The following SYN3 variants were observed in gnomAD, a reference collection of about 807,000 sequenced individuals.
SYN3 encodes synapsin-3.
SYN3 carries 35 observed loss-of-function variants against 65.8 expected under a neutral mutation model. The ratio of observed to expected loss-of-function variants is 0.53; its 90% CI spans 0.41 to 0.70. The LOEUF (loss-of-function observed/expected upper bound fraction) is 0.70. SYN3 is among the 30% of genes least tolerant of loss of function. The pLI is 0.00. For synonymous variants in SYN3, 270 were observed against 292.9 expected (o/e 0.92, Z 0.80); for missense variants, 680 against 749.0 (o/e 0.91, Z 1.08).
At position 33,001,096 on chromosome 22, in the gene SYN3, C is replaced by T. The variant is rs554319420; in HGVS notation, c.311+5256G>A. Among the ~76,000 whole-genome samples, 9 of 152,188 alleles carry T rather than the reference C, an allele frequency of 5.9e-5. No homozygotes were observed. In the South Asian group the frequency reaches 1.7e-3, roughly 28 times the overall value. ...CTCTGTCACAAACATCTAATAATTG[C>T]AGGGCCAACTGCCAGATGAGTTAAT... is the stretch of plus-strand genomic sequence containing the variant. On this transcript the variant is annotated intron_variant, in intron 2 of 13. Coordinates refer to ENST00000358763, the MANE Select transcript of SYN3 (RefSeq NM_003490.4).
At chr22:32,562,980 C>T (rs2058608808) in intron 7 of SYN3, among the ~76,000 whole-genome samples, 1 of 152,250 alleles carries the variant, frequency 6.6e-6, no homozygotes, top group Non-Finnish European at 1.5e-5. Context: ...AAGTAACTTT[C>T]CCTCTCTCAA....
intron 1 of SYN3, among the ~76,000 whole-genome samples, chr22:33,040,648 T>C (rs574118862): frequency 1.8e-4 from 27 of 152,270 alleles, no homozygotes; most frequent in Admixed American, 9.2e-4. Flanking sequence ...ATAATCCCCA[T>C]GTGTCAAGGG....
chr22:32,972,865 C>T lies in SYN3; in HGVS notation c.369+7780G>A, dbSNP rs535903868. 1.6e-4 allele frequency among the ~76,000 whole-genome samples: 25 copies of T among 151,786 alleles called. 2 individuals carry two copies. In the South Asian group the frequency reaches 5.0e-3, roughly 30 times the overall value. On this transcript the variant is annotated intron_variant, in intron 3 of 13. Transcript: ENST00000358763. ...CAAAGAAGAAAAAAAAAAAGCTGGGCATGGATGGTGGTGCACACCTGTGGT... is the reference window on the plus strand; with the variant it reads ...CAAAGAAGAAAAAAAAAAAGCTGGGTATGGATGGTGGTGCACACCTGTGGT...
chr22:32,977,269 G>A (rs1272040117), intron 3 of SYN3, among the ~76,000 whole-genome samples: 2 of 152,098 alleles, frequency 1.3e-5, no homozygotes, highest in Non-Finnish European at 2.9e-5. Flanking sequence ...TATTCTTAGG[G>A]CAATTCCCTG....
intron 3 of SYN3, among the ~76,000 whole-genome samples, chr22:32,973,041 C>T (rs1353954386): frequency 6.6e-6 from 1 of 152,042 alleles, no homozygotes; most frequent in African/African-American, 2.4e-5. Flanking sequence ...ACAGCAACAA[C>T]AAAAAAGAGC....
chr22:32,558,505 T>G (rs1309250840), intron 7 of SYN3, among the ~76,000 whole-genome samples: 1 of 152,254 alleles, frequency 6.6e-6, no homozygotes, highest in Non-Finnish European at 1.5e-5. Context: ...GTCCATGATC[T>G]TGCCCTGGTT....
chr22:32,655,595 G>A (rs1011649311), intron 6 of SYN3, among the ~76,000 whole-genome samples: 9 of 152,110 alleles, frequency 5.9e-5, no homozygotes, highest in Admixed American at 5.9e-4. Context: ...TCATAGGAGC[G>A]TGGACCCTAT....
At chr22:32,644,684 C>T (rs112295913) in intron 6 of SYN3, among the ~76,000 whole-genome samples, 2 of 152,188 alleles carry the variant, frequency 1.3e-5, no homozygotes, top group African/African-American at 4.8e-5. Context: ...TCCTTTCCCT[C>T]CTAAACACAC....
chr22:32,976,196 T>C (rs2052180651), intron 3 of SYN3, among the ~76,000 whole-genome samples: 1 of 152,170 alleles, frequency 6.6e-6, no homozygotes, highest in African/African-American at 2.4e-5. Flanking sequence ...CCCAACCCAA[T>C]ATTACACAAG....
chr22:32,956,788 A>C (rs1361467649), intron 3 of SYN3, among the ~76,000 whole-genome samples: 1 of 152,168 alleles, frequency 6.6e-6, no homozygotes. Flanking sequence ...TCTTCTGGGT[A>C]AATTCCCAGA....
chr22:33,051,454 T>C (rs1288885712), intron 1 of SYN3, among the ~76,000 whole-genome samples: 11 of 151,996 alleles, frequency 7.2e-5, no homozygotes, highest in Non-Finnish European at 1.5e-4. Context: ...CTTCCCCACA[T>C]CTACTCATTT....
intron 6 of SYN3, among the ~76,000 whole-genome samples, chr22:32,613,548 A>T (rs979587060): frequency 1.5e-5 from 2 of 136,286 alleles, no homozygotes; most frequent in Non-Finnish European, 3.4e-5. Context: ...ATTTATTTCC[A>T]CGTTTATTTG....
At chr22:32,926,260 C>G (rs896617937) in intron 4 of SYN3, among the ~76,000 whole-genome samples, 3 of 152,168 alleles carry the variant, frequency 2.0e-5, no homozygotes, top group African/African-American at 7.2e-5. Flanking sequence ...AGCACAGATT[C>G]CTAAACAATA....
intron 3 of SYN3, among the ~76,000 whole-genome samples, chr22:32,970,630 A>G (rs1456784836): frequency 6.6e-6 from 1 of 152,176 alleles, no homozygotes; most frequent in Non-Finnish European, 1.5e-5. Context: ...GGGGAAAACA[A>G]TGAAAAAATA....
chr22:32,693,614 T>C (rs2060697087), intron 6 of SYN3, among the ~76,000 whole-genome samples: 1 of 146,840 alleles, frequency 6.8e-6, no homozygotes. Context: ...TTTTTTTTTT[T>C]TGAGACTTGC....
At chr22:32,806,161 G>T (rs773565956) in intron 6 of SYN3, among the ~76,000 whole-genome samples, 5 of 152,030 alleles carry the variant, frequency 3.3e-5, no homozygotes, top group Non-Finnish European at 5.9e-5. Context: ...CCCAGTGGGA[G>T]GTACCCGGTC....
chr22:32,824,692 G>A (rs2047350358), intron 6 of SYN3, among the ~76,000 whole-genome samples: 1 of 152,184 alleles, frequency 6.6e-6, no homozygotes, highest in African/African-American at 2.4e-5. Context: ...GGGTTGTTAT[G>A]ATGACTCCCT....
At chr22:32,559,271 A>C (rs1179907459) in intron 7 of SYN3, among the ~76,000 whole-genome samples, 2 of 152,202 alleles carry the variant, frequency 1.3e-5, no homozygotes, top group African/African-American at 4.8e-5. Flanking sequence ...CAAGCCAGAC[A>C]CTGTTGTAGA....
At chr22:32,546,314 C>T (rs1037194183) in intron 7 of SYN3, among the ~76,000 whole-genome samples, 4 of 152,062 alleles carry the variant, frequency 2.6e-5, no homozygotes, top group Non-Finnish European at 5.9e-5. Context: ...TGGATCAAGA[C>T]CTGCTTATAA....
Sources: allele counts gnomAD v4.1 joint callset (sites outside exome capture counted in the v4.1 genomes callset), GRCh38; gene constraint gnomAD v4.1.1; transcripts MANE v1.5; gene names NCBI Gene and HGNC (gene_info 2026-07-23, HGNC 2026-07-21).